EPHB2: variants seen among roughly 807,000 people sequenced by gnomAD.
EPHB2 encodes ephrin type-B receptor 2.
A neutral mutation model predicts 96.4 loss-of-function variants in EPHB2; 18 were observed. The ratio of observed to expected loss-of-function variants is 0.19; its 90% CI spans 0.13 to 0.28. The LOEUF (loss-of-function observed/expected upper bound fraction) is 0.28. Ranked by LOEUF, EPHB2 falls within the 10% of genes least tolerant of loss-of-function variation. EPHB2 has a pLI of 1.00. For synonymous variants in EPHB2, 506 were observed against 534.1 expected (o/e 0.95, Z 0.72); for missense variants, 989 against 1,355.4 (o/e 0.73, Z 4.25).
In EPHB2 at chr1:22,887,570, A is replaced by G. The variant is rs1328655646; in HGVS notation, c.1428+5087A>G. 2.0e-5 allele frequency among the ~76,000 whole-genome samples: 3 copies of G among 152,328 alleles called. No homozygotes were observed. The East Asian group carries it at 5.8e-4, about 29-fold the overall frequency. On this transcript the variant is annotated intron_variant, in intron 6 of 15. Coordinates refer to ENST00000374630, the MANE Select transcript of EPHB2 (RefSeq NM_017449.5). ...AGCCTGCCTGGAGTCCAGAGCTGAC[A>G]ACTGCGTTGCTAGATGGCTTCTGGA...
chr1:22,762,142 G>A (rs546435501), intron 1 of EPHB2, among the ~76,000 whole-genome samples: 8 of 152,202 alleles, frequency 5.3e-5, no homozygotes, highest in Non-Finnish European at 7.3e-5. Context: ...CATCTGAGGC[G>A]AACGTCTCCT....
chr1:22,750,922 C>T (rs1192247262), intron 1 of EPHB2, among the ~76,000 whole-genome samples: 1 of 152,144 alleles, frequency 6.6e-6, no homozygotes, highest in Non-Finnish European at 1.5e-5. Flanking sequence ...GGCAGCAGGC[C>T]CCAGAGCCCA....
chr1:22,787,889 C>T (rs1644634965), intron 3 of EPHB2, among the ~76,000 whole-genome samples: 1 of 152,122 alleles, frequency 6.6e-6, no homozygotes, highest in Non-Finnish European at 1.5e-5. Flanking sequence ...AAGGCTGGAC[C>T]AGGGAGGGGT....
At position 22,913,278 on chromosome 1, in the gene EPHB2, T is replaced by G; in HGVS notation, c.2853-184T>G. 2 of 712,122 alleles carry G rather than the reference T, an allele frequency of 2.8e-6. No homozygotes were observed. The highest frequency in any genetic ancestry group is 4.8e-6 in the Non-Finnish European group (2 of 413,988). 44.1% of individuals were successfully genotyped at this position (712,122 alleles called of 1,614,324 possible). On this transcript the variant is annotated intron_variant, in intron 15 of 15. Transcript: ENST00000374630. The surrounding 1 kb of genome is among the most constrained non-coding windows in gnomAD (Gnocchi z 4.1). ...CTAGGGACCCTGATTCCGACTCAAG[T>G]GCTCTTCCACCTCACACCATAGTCG...
At chr1:22,824,068 G>C (rs1645189408) in intron 3 of EPHB2, among the ~76,000 whole-genome samples, 1 of 152,216 alleles carries the variant, frequency 6.6e-6, no homozygotes, top group Non-Finnish European at 1.5e-5. Context: ...TAAATAAATG[G>C]CTAGATGAAT....
intron 1 of EPHB2, among the ~76,000 whole-genome samples, chr1:22,741,990 A>G (rs1474005229): frequency 7.1e-6 from 1 of 140,116 alleles, no homozygotes; most frequent in Non-Finnish European, 1.5e-5. Flanking sequence ...CTTCTGCACC[A>G]TTTTATTTTA....
At chr1:22,901,106 G>T (rs1229014404) in intron 9 of EPHB2, among the ~76,000 whole-genome samples, 1 of 152,200 alleles carries the variant, frequency 6.6e-6, no homozygotes, top group Non-Finnish European at 1.5e-5. Flanking sequence ...TTTTGTCACA[G>T]AATTGTGAGG....
intron 3 of EPHB2, among the ~76,000 whole-genome samples, chr1:22,848,977 C>A (rs1645584040): frequency 6.6e-6 from 1 of 152,128 alleles, no homozygotes; most frequent in African/African-American, 2.4e-5. Flanking sequence ...CTCATCTGTA[C>A]AATGGGGGTG....
chr1:22,744,181 AC>A (rs1216859913), intron 1 of EPHB2, among the ~76,000 whole-genome samples: 5 of 139,244 alleles, frequency 3.6e-5, no homozygotes, highest in African/African-American at 1.3e-4. Flanking sequence ...TAACCCCCCC[AC>A]CCCCGTGGAA....
At chr1:22,869,975 G>A (rs972203245) in intron 5 of EPHB2, among the ~76,000 whole-genome samples, 6 of 152,326 alleles carry the variant, frequency 3.9e-5, no homozygotes, top group Non-Finnish European at 2.9e-5. Context: ...AACATTCAGC[G>A]AACATTTGCA....
chr1:22,738,519 G>A (rs1643869111), intron 1 of EPHB2, among the ~76,000 whole-genome samples: 1 of 152,146 alleles, frequency 6.6e-6, no homozygotes, highest in African/African-American at 2.4e-5. Context: ...GTTCACAGAA[G>A]CAAAGTAATT....
intron 3 of EPHB2, among the ~76,000 whole-genome samples, chr1:22,862,351 T>C (rs1638291095): frequency 6.6e-6 from 1 of 152,224 alleles, no homozygotes; most frequent in South Asian, 2.1e-4. Context: ...ACATATTCAT[T>C]GGGCACCTAT....
intron 3 of EPHB2, among the ~76,000 whole-genome samples, chr1:22,795,824 C>T (rs1458818361): frequency 6.6e-6 from 1 of 152,154 alleles, no homozygotes; most frequent in Non-Finnish European, 1.5e-5. Context: ...TCTGGAGCCC[C>T]TTGTCATCTC....
chr1:22,801,618 G>A (rs1304347422), intron 3 of EPHB2, among the ~76,000 whole-genome samples: 2 of 152,130 alleles, frequency 1.3e-5, no homozygotes, highest in African/African-American at 2.4e-5. Context: ...GACCCCACAC[G>A]AGGGGATGGC....
At chr1:22,716,826 G>A (rs1278763945) in intron 1 of EPHB2, among the ~76,000 whole-genome samples, 2 of 152,188 alleles carry the variant, frequency 1.3e-5, no homozygotes, top group Non-Finnish European at 2.9e-5. Context: ...GCAAGGCAGG[G>A]GACCCATGCT....
intron 3 of EPHB2, among the ~76,000 whole-genome samples, chr1:22,820,853 A>G (rs139610191): frequency 6.6e-6 from 1 of 152,358 alleles, no homozygotes; most frequent in African/African-American, 2.4e-5. Context: ...TGACTTGCAT[A>G]AGATCGCTCA....
intron 1 of EPHB2, among the ~76,000 whole-genome samples, chr1:22,746,820 G>A (rs1643982829): frequency 6.6e-6 from 1 of 152,212 alleles, no homozygotes; most frequent in South Asian, 2.1e-4. Flanking sequence ...TTCAGACCCC[G>A]CTCTGAGGCC....
intron 5 of EPHB2, among the ~76,000 whole-genome samples, chr1:22,879,327 T>A (rs1638953460): frequency 6.6e-6 from 1 of 152,238 alleles, no homozygotes; most frequent in South Asian, 2.1e-4. Context: ...AGCCCCCAGA[T>A]TGGCCCTGGT....
intron 3 of EPHB2, among the ~76,000 whole-genome samples, chr1:22,814,795 C>A (rs1645049120): frequency 6.6e-6 from 1 of 152,234 alleles, no homozygotes; most frequent in South Asian, 2.1e-4. Flanking sequence ...TCTCACCAGG[C>A]CAGCCGAGGC....
Sources: gnomAD v4.1 joint callset for allele counts (sites outside exome capture counted in the v4.1 genomes callset) on GRCh38, gnomAD v4.1.1 for gene constraint, Gnocchi (gnomAD v3.1) non-coding constraint, MANE v1.5 for transcripts, NCBI Gene and HGNC (gene_info 2026-07-23, HGNC 2026-07-21) for gene names.